Variants in EYA4 observed in about 807,000 individuals in gnomAD.
EYA4 encodes the protein EYA transcriptional coactivator and phosphatase 4.
In EYA4, 31 loss-of-function variants were observed where a neutral mutation model predicts 87.9. That is an observed-to-expected ratio of 0.35 (90% CI 0.27 to 0.48). The LOEUF is 0.48. Among genes scored for constraint, EYA4 ranks in the 20% least tolerant of loss-of-function variants. The probability of loss-of-function intolerance (pLI) is 0.99; values close to 1 mark genes in which losing one functional copy is unlikely to be tolerated. For synonymous variants in EYA4, 263 were observed against 270.6 expected (o/e 0.97, Z 0.28); for missense variants, 678 against 761.4 (o/e 0.89, Z 1.29).
At chr6:133,461,818 T>C (rs1251202922) in intron 7 of EYA4, among the ~76,000 whole-genome samples, 1 of 151,470 alleles carries the variant, frequency 6.6e-6, no homozygotes, top group Non-Finnish European at 1.5e-5. Flanking sequence ...TCCTTTTTTT[T>C]TTTTTTTTTT....
intron 2 of EYA4, among the ~76,000 whole-genome samples, chr6:133,332,070 G>T (rs914210458): frequency 8.5e-5 from 13 of 152,176 alleles, no homozygotes; most frequent in African/African-American, 2.9e-4. Flanking sequence ...CAGTTTCCCG[G>T]AAGTACTAGC....
intron 2 of EYA4, among the ~76,000 whole-genome samples, chr6:133,288,964 A>G (rs570993806): frequency 6.6e-6 from 1 of 152,314 alleles, no homozygotes; most frequent in South Asian, 2.1e-4. Context: ...TGTGGTAAGA[A>G]AAGGCATCCC....
intron 17 of EYA4, among the ~76,000 whole-genome samples, chr6:133,519,421 T>TAC (rs199546256): frequency 0.19 from 28,691 of 148,382 alleles, 3,594 homozygotes; most frequent in African/African-American, 0.35. Flanking sequence ...CCTCGACACA[T>TAC]ACACTCTCCC....
At chr6:133,254,797 G>A (rs1775207819) in intron 1 of EYA4, among the ~76,000 whole-genome samples, 1 of 152,162 alleles carries the variant, frequency 6.6e-6, no homozygotes, top group Admixed American at 6.6e-5. Flanking sequence ...CAGATGAGAT[G>A]TTGTATTATG....
intron 3 of EYA4, among the ~76,000 whole-genome samples, chr6:133,442,161 G>T (rs79104301): frequency 0.034 from 5,187 of 152,014 alleles, 255 homozygotes; most frequent in African/African-American, 0.1. Context: ...TATTTACTGT[G>T]TTTTCTGTCC....
chr6:133,426,879 A>G (rs1178061931), intron 3 of EYA4, among the ~76,000 whole-genome samples: 1 of 152,212 alleles, frequency 6.6e-6, no homozygotes, highest in Admixed American at 6.5e-5. Context: ...ATCTATTTAT[A>G]TCACATCTCC....
chr6:133,499,005 T>A (rs1430256613), intron 13 of EYA4, among the ~76,000 whole-genome samples: 4 of 152,218 alleles, frequency 2.6e-5, no homozygotes, highest in African/African-American at 9.6e-5. Context: ...GGAAAGATCT[T>A]GAAAGGACAT....
chr6:133,482,195 C>G (rs989990970), intron 12 of EYA4, among the ~76,000 whole-genome samples: 5 of 152,304 alleles, frequency 3.3e-5, no homozygotes, highest in Middle Eastern at 3.4e-3. Flanking sequence ...TTACTTCTTA[C>G]ATACCACATA....
chr6:133,240,977 G>T (rs1197294603), upstream of EYA4: 1 of 151,918 alleles, frequency 6.6e-6, no homozygotes, highest in Non-Finnish European at 1.5e-5. Context: ...CCAGGGAGGA[G>T]AGCGCGGTCG....
At chr6:133,349,235 T>C (rs548611198) in intron 2 of EYA4, among the ~76,000 whole-genome samples, 1 of 152,336 alleles carries the variant, frequency 6.6e-6, no homozygotes, top group South Asian at 2.1e-4. Context: ...ATAGCATTCA[T>C]TCCTCAACTG....
chr6:133,299,980 A>G (rs1270137872), intron 2 of EYA4, among the ~76,000 whole-genome samples: 1 of 147,792 alleles, frequency 6.8e-6, no homozygotes, highest in Non-Finnish European at 1.5e-5. Context: ...TCTTTTGACT[A>G]CCCCACAACC....
At chr6:133,437,125 T>A (rs948772610) in intron 3 of EYA4, among the ~76,000 whole-genome samples, 4 of 152,208 alleles carry the variant, frequency 2.6e-5, no homozygotes, top group African/African-American at 9.6e-5. Context: ...GGAAAGATGC[T>A]AATATTCAAA....
At chr6:133,333,219 G>A (rs1472104911) in intron 2 of EYA4, among the ~76,000 whole-genome samples, 5 of 152,144 alleles carry the variant, frequency 3.3e-5, no homozygotes, top group African/African-American at 7.2e-5. Flanking sequence ...TGAAACCTTG[G>A]CACCATGCCT....
chr6:133,518,501 A>C (rs905607114), intron 17 of EYA4, among the ~76,000 whole-genome samples: 2 of 152,192 alleles, frequency 1.3e-5, no homozygotes, highest in African/African-American at 2.4e-5. Flanking sequence ...AAATGCCTGG[A>C]ATGTCAGAAA....
At chr6:133,248,750 A>G (rs1774632875) in intron 1 of EYA4, 1 of 152,206 alleles carries the variant, frequency 6.6e-6, no homozygotes, top group Non-Finnish European at 1.5e-5. Flanking sequence ...TTGTAGGTGA[A>G]TCACATTCAG....
At chr6:133,411,567 A>C (rs1407663846) in intron 3 of EYA4, among the ~76,000 whole-genome samples, 2 of 152,158 alleles carry the variant, frequency 1.3e-5, no homozygotes, top group Admixed American at 6.5e-5. Context: ...GTCTATCTAT[A>C]TATATATATA....
chr6:133,397,668 C>T (rs1404329666), intron 3 of EYA4, among the ~76,000 whole-genome samples: 1 of 152,144 alleles, frequency 6.6e-6, no homozygotes, highest in African/African-American at 2.4e-5. Context: ...TATTAGTTTT[C>T]ACACTGCTGA....
rs13362743 is a variant in EYA4, at chr6:133,464,874, G to T, written c.804+16G>T. The T allele has an allele frequency of 6.6e-4, 1,037 of 1,562,560 alleles. 4 individuals carry two copies. In the African/African-American group the frequency reaches 8.8e-3, roughly 13 times the overall value. On this transcript the variant is annotated intron_variant, in intron 10 of 19. Transcript: ENST00000355286. ...TTCACAACAGGTATAGTAGCTTTTT[G>T]TGTTTATGCTTTTTATATGTATTTC...
At chr6:133,300,159 A>T (rs114647438) in intron 2 of EYA4, among the ~76,000 whole-genome samples, 1,524 of 152,194 alleles carry the variant, frequency 0.01, 27 homozygotes, top group African/African-American at 0.035. Flanking sequence ...ATTCAGTGAA[A>T]ATGTATTATT....
Sources: allele counts gnomAD v4.1 joint callset (sites outside exome capture counted in the v4.1 genomes callset), GRCh38; gene constraint gnomAD v4.1.1; transcripts MANE v1.5; gene names NCBI Gene and HGNC (gene_info 2026-07-23, HGNC 2026-07-21).